AFAP1: variants seen among roughly 807,000 people sequenced by gnomAD.
The protein encoded by AFAP1 is actin filament-associated protein 1.
In AFAP1, 75 loss-of-function variants were observed where a neutral mutation model predicts 93.9. That is an observed-to-expected ratio of 0.80 (90% CI 0.66 to 0.97). The LOEUF is 0.97. Among genes scored for constraint, AFAP1 ranks in the 50% least tolerant of loss-of-function variants. The pLI, the probability that AFAP1 is intolerant of heterozygous loss-of-function variation, is 0.00. For synonymous variants in AFAP1, 517 were observed against 430.7 expected, an observed-to-expected ratio of 1.20 and a Z score of -2.48; for missense variants, 1,201 against 1,050.8, an observed-to-expected ratio of 1.14 and a Z score of -1.98.
chr4:7,894,800 T>C lies in AFAP1; in HGVS notation c.-2-22720A>G, dbSNP rs540109084. ...GAAAGATGGGGGCCCTAGGTTCTGC[T>C]GCCAAAGAGGAAAAGCCTCGAGGGC... On this transcript the variant is annotated intron_variant, in intron 1 of 17. Transcript: ENST00000420658. 3.3e-5 allele frequency among the ~76,000 whole-genome samples: 5 copies of C among 152,228 alleles called. No individual in the cohort carries two copies. In the East Asian group the frequency reaches 9.7e-4, roughly 29 times the overall value.
chr4:7,796,888 C>A (rs561041957), intron 10 of AFAP1, among the ~76,000 whole-genome samples: 1 of 139,850 alleles, frequency 7.2e-6, no homozygotes, highest in Admixed American at 7.3e-5. Flanking sequence ...GGTGAAACCC[C>A]GTCTCTACTA....
chr4:7,804,944 C>T (rs148445497), intron 9 of AFAP1, among the ~76,000 whole-genome samples: 2,599 of 152,302 alleles, frequency 0.017, 70 homozygotes, highest in African/African-American at 0.057. Context: ...CGAAGCCAAA[C>T]GCCTCCTTCC....
chr4:7,768,591 G>A (rs1400121878), intron 17 of AFAP1, among the ~76,000 whole-genome samples: 1 of 152,120 alleles, frequency 6.6e-6, no homozygotes, highest in Admixed American at 6.5e-5. Flanking sequence ...GATGACTCTG[G>A]AGCCAATTGT....
chr4:7,900,618 C>G (rs1193903013), intron 1 of AFAP1, among the ~76,000 whole-genome samples: 1 of 152,234 alleles, frequency 6.6e-6, no homozygotes, highest in African/African-American at 2.4e-5. Flanking sequence ...AACCAAACTA[C>G]CTCTAACAAT....
At chr4:7,885,190 T>C (rs768209031) in intron 1 of AFAP1, among the ~76,000 whole-genome samples, 3 of 152,214 alleles carry the variant, frequency 2.0e-5, no homozygotes, top group Non-Finnish European at 4.4e-5. Context: ...ATAAAAATCT[T>C]AATTAACCTG....
intron 1 of AFAP1, among the ~76,000 whole-genome samples, chr4:7,874,356 CTT>C (rs869214535): frequency 1.1e-4 from 10 of 92,416 alleles, no homozygotes; most frequent in Admixed American, 2.5e-4. Context: ...TTGCCTTTTT[CTT>C]TTTTTTTTTT....
At chr4:7,933,429 C>T (rs1181017868) in intron 1 of AFAP1, among the ~76,000 whole-genome samples, 4 of 152,062 alleles carry the variant, frequency 2.6e-5, no homozygotes, top group African/African-American at 9.7e-5. Flanking sequence ...AAAAATTAGT[C>T]GGGCACAGTG....
chr4:7,780,659 A>T (rs57861635), intron 13 of AFAP1, among the ~76,000 whole-genome samples: 23,162 of 145,374 alleles, frequency 0.16, 2,008 homozygotes, highest in African/African-American at 0.24. Context: ...TTTTTTTTTT[A>T]AAAAGGCCTA....
At chr4:7,903,610 T>A (rs1006631123) in intron 1 of AFAP1, among the ~76,000 whole-genome samples, 1 of 152,016 alleles carries the variant, frequency 6.6e-6, no homozygotes, top group African/African-American at 2.4e-5. Flanking sequence ...ACCTGGGAGG[T>A]AGAGGTTGCA....
In AFAP1 at chr4:7,781,390, CGA is replaced by C. The variant is rs1716754556; in HGVS notation, c.1766_1767del (p.Leu589ArgfsTer9). 1 of 1,551,434 alleles carries C rather than the reference CGA, an allele frequency of 6.4e-7. No individual in the cohort carries two copies. The highest frequency in any genetic ancestry group is 1.4e-5 in the African/African-American group (1 of 72,998). On this transcript the variant is annotated frameshift_variant, in exon 13 of 18. Coordinates refer to ENST00000420658, the MANE Select transcript of AFAP1 (RefSeq NM_001134647.2). LOFTEE classifies it high-confidence loss of function. ...AGATGCCGTACCTGCGAGTTGAGCC[CGA>C]GAGACGCCCTCCCCACAGAAGAGGT... ...TNTSSVGRAS[L>X]GLNSQLKGKK... is the part of the protein sequence containing the mutation.
At chr4:7,906,184 A>G (rs1296574832) in intron 1 of AFAP1, among the ~76,000 whole-genome samples, 1 of 152,194 alleles carries the variant, frequency 6.6e-6, no homozygotes, top group African/African-American at 2.4e-5. Flanking sequence ...GGGTTACTAG[A>G]AGCCCGAGCC....
Position 7,768,928 on chromosome 4 carries a change from C to G in AFAP1, c.2334G>C (p.Pro778=). 1.2e-6 allele frequency: 2 copies of G among 1,613,806 alleles called. No homozygotes were observed. Among genetic ancestry groups the G allele is most frequent in the South Asian group, 1.1e-5 (1 of 91,058 alleles). The part of the protein sequence containing the change: ...CDTSDTEGPV[P]VNSAAVLKKS... The stretch of plus-strand genomic sequence containing the variant: ...TCTTCAAGACGGCCGCGCTGTTCAC[C>G]GGCACGGGGCCCTCGGTGTCACTGG... The change falls in exon 17 of 18, where the codon CCG becomes CCC. Residue 778 remains proline, a synonymous_variant. Coordinates refer to ENST00000420658, the MANE Select transcript of AFAP1 (RefSeq NM_001134647.2).
chr4:7,935,754 C>T (rs1211951299), intron 1 of AFAP1, among the ~76,000 whole-genome samples: 1 of 152,122 alleles, frequency 6.6e-6, no homozygotes, highest in Admixed American at 6.6e-5. Flanking sequence ...AGTGATAGAG[C>T]GAATTAAGTT....
Position 7,894,266 on chromosome 4 carries a change from G to T in AFAP1, c.-2-22186C>A, listed in dbSNP as rs529351246. ...ATTCATTTATGTATCACCTACAGCC[G>T]TGTTCACACTCCAACAGCAGGGATG... is the stretch of plus-strand genomic sequence containing the variant. On this transcript the variant is annotated intron_variant, in intron 1 of 17. Transcript: ENST00000420658. 2.6e-5 allele frequency among the ~76,000 whole-genome samples: 4 copies of T among 152,224 alleles called. No individual in the cohort carries two copies. The South Asian group carries it at 8.3e-4, about 32-fold the overall frequency.
chr4:7,785,385 T>C (rs1488020964), intron 12 of AFAP1, among the ~76,000 whole-genome samples: 1 of 152,118 alleles, frequency 6.6e-6, no homozygotes, highest in African/African-American at 2.4e-5. Flanking sequence ...GATATACAGA[T>C]AGCGCTGTGC....
At chr4:7,777,359 A>G (rs1716243074) in intron 14 of AFAP1, 1 of 152,228 alleles carries the variant, frequency 6.6e-6, no homozygotes, top group African/African-American at 2.4e-5. Flanking sequence ...GGTAGAACAG[A>G]GGTGGAGAAA....
At chr4:7,935,705 G>C (rs1721336771) in intron 1 of AFAP1, among the ~76,000 whole-genome samples, 1 of 152,062 alleles carries the variant, frequency 6.6e-6, no homozygotes, top group African/African-American at 2.4e-5. Flanking sequence ...CAAATCTCTA[G>C]GATACAATAC....
chr4:7,783,996 G>A (rs1355728033), intron 12 of AFAP1, among the ~76,000 whole-genome samples: 1 of 152,208 alleles, frequency 6.6e-6, no homozygotes, highest in African/African-American at 2.4e-5. Context: ...GTGACACAGG[G>A]CAAATGGAGG....
chr4:7,804,096 A>G (rs998200755), intron 9 of AFAP1, among the ~76,000 whole-genome samples: 13 of 151,176 alleles, frequency 8.6e-5, no homozygotes, highest in Non-Finnish European at 1.6e-4. Context: ...GGACCCCCCA[A>G]TATTCTCCCA....
Sources: gnomAD v4.1 joint callset for allele counts (sites outside exome capture counted in the v4.1 genomes callset) on GRCh38, gnomAD v4.1.1 for gene constraint, MANE v1.5 for transcripts, NCBI Gene and HGNC (gene_info 2026-07-23, HGNC 2026-07-21) for gene names.